CDK16: variants seen among roughly 807,000 people sequenced by gnomAD.
CDK16 encodes cyclin dependent kinase 16.
In CDK16, 2 loss-of-function variants were observed where a neutral mutation model predicts 41.6. The ratio of observed to expected loss-of-function variants is 0.05; its 90% CI spans 0.02 to 0.15. The LOEUF (loss-of-function observed/expected upper bound fraction) is 0.15, where lower values mean the gene tolerates loss of function less well. Among genes scored for constraint, CDK16 ranks in the 10% least tolerant of loss-of-function variants. CDK16 has a pLI of 1.00. For missense variants in CDK16, 228 were observed against 428.9 expected (o/e 0.53, Z 4.14); for synonymous variants, 169 against 169.7 (o/e 1.00, Z 0.03).
At chrX:47,220,045 G>T (rs1032365330) in intron 1 of CDK16, among the ~76,000 whole-genome samples, 8 of 110,144 alleles carry the variant, frequency 7.3e-5, no homozygotes, top group African/African-American at 2.0e-4. Flanking sequence ...GGTGATGTGA[G>T]GTGTGAGTGT....
chrX:47,228,402 C>T (rs958066177), intron 14 of CDK16, 165 bp from the exon 15 acceptor site: 4 of 437,482 alleles, frequency 9.1e-6, no homozygotes, highest in Admixed American at 4.1e-5. Flanking sequence ...TATATTTCAT[C>T]TTCCCTGGTT....
At chrX:47,228,407 C>T (rs1056650684) in intron 14 of CDK16, 160 bp from the exon 15 acceptor site, 130 of 436,482 alleles carry the variant, frequency 3.0e-4, no homozygotes, top group African/African-American at 2.9e-3. Flanking sequence ...TTCATCTTCC[C>T]TGGTTGTAGC....
Position 47,227,318 on chromosome X carries a change from G to A in CDK16, c.1285-61G>A. The A allele has an allele frequency of 2.7e-6, 3 of 1,100,617 alleles. No homozygotes were observed. In the South Asian group the frequency reaches 5.7e-5, roughly 21 times the overall value. The allele number at this position is 1,100,617 out of a possible 1,213,427, so 90.7% of individuals were successfully genotyped here. On this transcript the variant is annotated intron_variant, in intron 13 of 15. Coordinates refer to ENST00000357227, the MANE Select transcript of CDK16 (RefSeq NM_006201.5). ...CAAACCAGGGGCAGGGTCTGAGGTGGGCAGAGAGACCTACTTGTTGAAGAT... is the reference window on the plus strand; with the variant it reads ...CAAACCAGGGGCAGGGTCTGAGGTGAGCAGAGAGACCTACTTGTTGAAGAT...
chrX:47,218,648 G>A (rs1290406572), upstream of CDK16: 31 of 1,165,446 alleles, frequency 2.7e-5, no homozygotes, highest in Non-Finnish European at 3.4e-5. Flanking sequence ...CGGGTCCTTT[G>A]GTACATGCAG....
At position 47,224,531 on chromosome X, in the gene CDK16, G is replaced by A. The variant is rs1286707970; in HGVS notation, c.336+13G>A. 4.1e-6 allele frequency: 5 copies of A among 1,204,998 alleles called. No individual in the cohort carries two copies. The highest frequency in any genetic ancestry group is 3.0e-5 in the East Asian group (1 of 33,746). On this transcript the variant is annotated intron_variant, in intron 3 of 15. Transcript: ENST00000357227. The stretch of plus-strand genomic sequence containing the variant: ...GATCTCCACTGAGGTGCTTGACCCC[G>A]TCTGGATGGTGGAGGAACTGGAAAA...
chrX:47,219,815 G>C (rs1390417949), intron 1 of CDK16, among the ~76,000 whole-genome samples: 2 of 111,039 alleles, frequency 1.8e-5, no homozygotes, highest in Non-Finnish European at 3.8e-5. Context: ...GCTGTAGAGG[G>C]TGTATGCCTG....
In CDK16 at chrX:47,223,677, C is replaced by T. The variant is rs762259531; in HGVS notation, c.120C>T (p.Gly40=). The change falls in exon 2 of 16, where the codon GGC becomes GGT. Residue 40 remains glycine, a synonymous_variant. Transcript: ENST00000357227. The stretch of plus-strand genomic sequence containing the variant: ...GCCTGGATGAGAGTGGTGGTGGTGG[C>T]GGCAGTGACCCTGGAGAGGCCCCCA... ...QIGLDESGGG[G]GSDPGEAPTR... 14 of 1,208,352 alleles carry T rather than the reference C, an allele frequency of 1.2e-5. No homozygotes were observed. The highest frequency in any genetic ancestry group is 8.8e-5 in the Admixed American group (4 of 45,669).
intron 1 of CDK16, 118 bp from the exon 2 acceptor site, chrX:47,223,434 G>T: frequency 1.0e-6 from 1 of 978,723 alleles, no homozygotes; most frequent in South Asian, 2.2e-5. Flanking sequence ...CATAGTGGTT[G>T]AGTGAGCACT....
intron 1 of CDK16, among the ~76,000 whole-genome samples, chrX:47,219,312 G>C (rs1556796515): frequency 9.0e-6 from 1 of 110,840 alleles, no homozygotes; most frequent in African/African-American, 3.3e-5. Context: ...GGGTAGTGCT[G>C]TGGGTGCTAA....
chrX:47,218,780 C>T lies in CDK16; in HGVS notation c.-332C>T, dbSNP rs900273973. On this transcript the variant is annotated 5_prime_UTR_variant, in exon 1 of 16. Transcript: ENST00000357227. ...TCGGCCCTGGGATCCGCCGCCACTCCGCGATCAGACCGCTCTGTGCCGCGA... is the reference window on the plus strand; with the variant it reads ...TCGGCCCTGGGATCCGCCGCCACTCTGCGATCAGACCGCTCTGTGCCGCGA... The T allele has an allele frequency of 3.8e-5, 44 of 1,152,652 alleles. No homozygotes were observed. The African/African-American group carries it at 7.2e-4, about 19-fold the overall frequency. 95.0% of individuals were successfully genotyped at this position (1,152,652 alleles called of 1,213,427 possible).
At position 47,226,977 on chromosome X, in the gene CDK16, C is replaced by T; in HGVS notation, c.1136-17C>T. 1 of 1,207,862 alleles carries T rather than the reference C, an allele frequency of 8.3e-7. No individual in the cohort carries two copies. The highest frequency in any genetic ancestry group is 1.1e-6 in the Non-Finnish European group (1 of 892,115). On this transcript the variant is annotated splice_polypyrimidine_tract_variant and intron_variant, in intron 11 of 15. Coordinates refer to ENST00000357227, the MANE Select transcript of CDK16 (RefSeq NM_006201.5). ...AGGACCTGTGAAATGTTTGGGATAA[C>T]TCCTCTTCCCTACTAGGAACCCCAA...
chrX:47,221,930 T>C (rs1199315683), intron 1 of CDK16, among the ~76,000 whole-genome samples: 1 of 111,809 alleles, frequency 8.9e-6, no homozygotes, highest in African/African-American at 3.3e-5. Flanking sequence ...CGACCTCCTA[T>C]CTAGCTCTAC....
At chrX:47,219,907 G>A (rs782565042) in intron 1 of CDK16, among the ~76,000 whole-genome samples, 1 of 110,754 alleles carries the variant, frequency 9.0e-6, no homozygotes, top group East Asian at 2.8e-4. Context: ...GGTATCTAAC[G>A]GAGGAAGGAC....
At position 47,218,769 on chromosome X, in the gene CDK16, C is replaced by A. The variant is rs1164574777; in HGVS notation, c.-343C>A. 1 of 1,154,118 alleles carries A rather than the reference C, an allele frequency of 8.7e-7. No homozygotes were observed. The highest frequency in any genetic ancestry group is 1.8e-5 in the African/African-American group (1 of 55,453). Reference sequence around the variant, plus strand: ...CCGTTGGCTGTTCGGCCCTGGGATCCGCCGCCACTCCGCGATCAGACCGCT... The same window carrying A: ...CCGTTGGCTGTTCGGCCCTGGGATCAGCCGCCACTCCGCGATCAGACCGCT... On this transcript the variant is annotated 5_prime_UTR_variant, in exon 1 of 16. Transcript: ENST00000357227.
At chrX:47,227,752 A>G in intron 14 of CDK16, 1 of 334,068 alleles carries the variant, frequency 3.0e-6, no homozygotes, top group Non-Finnish European at 5.2e-6. Flanking sequence ...TGCACAAATC[A>G]TAAGTATACT....
Position 47,226,855 on chromosome X carries a change from C to T in CDK16, c.1081C>T (p.Leu361Phe). Residue 361 changes from leucine to phenylalanine, a missense_variant, in exon 11 of 16, where the codon CTC becomes TTC. Leu to Phe is a conservative substitution (Grantham distance 22). Around this residue, in one of 3 missense-constraint regions of CDK16, gnomAD observed 91 missense variants for 129.5 expected, o/e 0.70. Coordinates refer to ENST00000357227, the MANE Select transcript of CDK16 (RefSeq NM_006201.5). ...CTATGAGATGGCCACAGGCCGTCCC[C>T]TCTTTCCGGGCTCCACGGTGGAGGA... Reference protein sequence around the residue: ...IFYEMATGRPLFPGSTVEEQL... With the variant: ...IFYEMATGRPFFPGSTVEEQL... 1.7e-6 allele frequency: 2 copies of T among 1,210,967 alleles called. No individual in the cohort carries two copies. Among genetic ancestry groups the T allele is most frequent in the East Asian group, 5.9e-5 (2 of 33,862 alleles).
At position 47,218,901 on chromosome X, in the gene CDK16, T is replaced by G. The variant is rs1556796301; in HGVS notation, c.-211T>G. The G allele has an allele frequency of 8.5e-6, 9 of 1,060,348 alleles. No homozygotes were observed. Among genetic ancestry groups the G allele is most frequent in the Non-Finnish European group, 1.1e-5 (9 of 824,872 alleles). 87.4% of individuals were successfully genotyped at this position (1,060,348 alleles called of 1,213,427 possible). ...ATGGCCGGCTGAGCGGGACGCCGCCTCCGCCTCAGCCACCGCCGCCGCCGC... is the reference window on the plus strand; with the variant it reads ...ATGGCCGGCTGAGCGGGACGCCGCCGCCGCCTCAGCCACCGCCGCCGCCGC... On this transcript the variant is annotated 5_prime_UTR_variant, in exon 1 of 16. Transcript: ENST00000357227.
Position 47,218,699 on chromosome X carries a change from C to T in CDK16, c.-413C>T. 1 of 1,165,081 alleles carries T rather than the reference C, an allele frequency of 8.6e-7. No homozygotes were observed. ...CTCCTTTCCACTTCACCCTTCCGAGCGCCTGCGTGCGCATGCGCGGAGCGC... is the reference window on the plus strand; with the variant it reads ...CTCCTTTCCACTTCACCCTTCCGAGTGCCTGCGTGCGCATGCGCGGAGCGC... On this transcript the variant is annotated 5_prime_UTR_variant, in exon 1 of 16. Coordinates refer to ENST00000357227, the MANE Select transcript of CDK16 (RefSeq NM_006201.5).
chrX:47,229,644 C>T lies in CDK16; in HGVS notation c.*876C>T, dbSNP rs1161041982. On this transcript the variant is annotated 3_prime_UTR_variant, in exon 16 of 16. Transcript: ENST00000357227. The stretch of plus-strand genomic sequence containing the variant: ...CTTCTCAGGGTCTCCCCAGCCCAGT[C>T]CCCTTGCTCCCATCCCACTCGGTGC... The T allele has an allele frequency of 1.5e-5, 3 of 194,746 alleles. No individual in the cohort carries two copies. Among genetic ancestry groups the T allele is most frequent in the Non-Finnish European group, 2.9e-5 (3 of 103,008 alleles). The allele number at this position is 194,746 out of a possible 1,213,427, so 16.0% of individuals were successfully genotyped here.
Sources: allele counts gnomAD v4.1 joint callset (sites outside exome capture counted in the v4.1 genomes callset), GRCh38; gene constraint gnomAD v4.1.1; regional missense constraint gnomAD v4.1.1; transcripts MANE v1.5; gene names NCBI Gene and HGNC (gene_info 2026-07-23, HGNC 2026-07-21).